The following TCF12 variants were observed in gnomAD, a reference collection of about 807,000 sequenced individuals.
TCF12 encodes DNA-binding protein HTF4.
In TCF12, 45 loss-of-function variants were observed where a neutral mutation model predicts 86.0. The ratio of observed to expected loss-of-function variants is 0.52; its 90% confidence interval spans 0.41 to 0.67. The LOEUF is 0.67. TCF12 is among the 30% of genes least tolerant of loss of function. The pLI is 0.00. For synonymous variants in TCF12, 330 were observed against 299.6 expected, an observed-to-expected ratio of 1.10 and a Z score of -1.05; for missense variants, 881 against 859.9, an observed-to-expected ratio of 1.02 and a Z score of -0.31.
chr15:57,286,592 C>T lies in TCF12; in HGVS notation c.*447C>T, dbSNP rs995352976. On this transcript the variant is annotated 3_prime_UTR_variant, in exon 21 of 21. Coordinates refer to ENST00000333725, the MANE Select transcript of TCF12 (RefSeq NM_207037.2). ...AAGCTGATCTACACTCAGCTGATGC[C>T]AGCATACATTAAAGCGGTTCACGTG... is the stretch of plus-strand genomic sequence containing the variant. 2.2e-6 allele frequency: 1 copy of T among 456,470 alleles called. No homozygotes were observed. The highest frequency in any genetic ancestry group is 4.4e-6 in the Non-Finnish European group (1 of 226,906). The allele number at this position is 456,470 out of a possible 1,614,324, so 28.3% of individuals were successfully genotyped here.
intron 12 of TCF12, among the ~76,000 whole-genome samples, chr15:57,242,596 G>A (rs1246099828): frequency 2.0e-5 from 3 of 152,074 alleles, no homozygotes; most frequent in African/African-American, 7.2e-5. Context: ...GAACCTGGCG[G>A]GGTGGAGGTT....
chr15:57,230,926 G>T (rs1313372379), intron 8 of TCF12, among the ~76,000 whole-genome samples: 1 of 150,026 alleles, frequency 6.7e-6, no homozygotes, highest in East Asian at 2.0e-4. Context: ...GAGATATTTA[G>T]AGTAGTAGTT....
chr15:57,159,726 A>G (rs974908702), intron 5 of TCF12, among the ~76,000 whole-genome samples: 7 of 113,430 alleles, frequency 6.2e-5, no homozygotes, highest in Non-Finnish European at 1.2e-4. Flanking sequence ...TACTTAAATT[A>G]TAACACATGG....
chr15:57,186,969 C>T (rs558591029), intron 6 of TCF12, among the ~76,000 whole-genome samples: 1 of 152,124 alleles, frequency 6.6e-6, no homozygotes, highest in East Asian at 1.9e-4. Flanking sequence ...TCACTTGAGG[C>T]CAGGAGTTCA....
chr15:56,997,455 T>A (rs2063774685), intron 3 of TCF12, among the ~76,000 whole-genome samples: 1 of 152,030 alleles, frequency 6.6e-6, no homozygotes. Context: ...CAGTAGACAC[T>A]GGGGAATACA....
intron 4 of TCF12, among the ~76,000 whole-genome samples, chr15:57,071,493 G>A (rs560237882): frequency 4.6e-5 from 7 of 152,156 alleles, no homozygotes; most frequent in Admixed American, 3.3e-4. Context: ...AAATTTAGCC[G>A]GGTGTGGTGG....
chr15:57,002,366 C>G (rs1596055945), intron 3 of TCF12, among the ~76,000 whole-genome samples: 1 of 152,200 alleles, frequency 6.6e-6, no homozygotes, highest in Admixed American at 6.5e-5. Flanking sequence ...CGTGTTTCCT[C>G]CCTAGGCGAG....
At chr15:57,108,368 CAATT>C (rs1342501652) in intron 5 of TCF12, among the ~76,000 whole-genome samples, 2 of 152,104 alleles carry the variant, frequency 1.3e-5, no homozygotes, top group African/African-American at 2.4e-5. Flanking sequence ...GACACAAAAA[CAATT>C]AATATCTGGG....
At chr15:57,045,401 A>T (rs118081803) in intron 3 of TCF12, among the ~76,000 whole-genome samples, 1,758 of 152,224 alleles carry the variant, frequency 0.012, 18 homozygotes, top group Non-Finnish European at 0.019. Flanking sequence ...GATAAACATG[A>T]GTATCTTTGT....
At chr15:57,060,411 A>G (rs1299148232) in intron 3 of TCF12, among the ~76,000 whole-genome samples, 1 of 152,244 alleles carries the variant, frequency 6.6e-6, no homozygotes, top group African/African-American at 2.4e-5. Flanking sequence ...GAGATTATCT[A>G]TATAAAAGGT....
At chr15:57,011,520 T>A in intron 3 of TCF12, among the ~76,000 whole-genome samples, 1 of 152,192 alleles carries the variant, frequency 6.6e-6, no homozygotes, top group Non-Finnish European at 1.5e-5. Flanking sequence ...GCCTCAGGTA[T>A]TTCTTTATAG....
intron 3 of TCF12, among the ~76,000 whole-genome samples, chr15:56,929,100 T>G (rs1218027890): frequency 6.6e-6 from 1 of 152,228 alleles, no homozygotes; most frequent in Non-Finnish European, 1.5e-5. Flanking sequence ...TGAGTAAAAC[T>G]GAAGTTCTAA....
intron 5 of TCF12, among the ~76,000 whole-genome samples, chr15:57,111,085 C>T (rs1047335336): frequency 6.6e-6 from 1 of 152,010 alleles, no homozygotes; most frequent in Admixed American, 6.6e-5. Context: ...TTTTAACGTC[C>T]TCTCTTTTTT....
chr15:57,145,244 TA>T (rs1254367854), intron 5 of TCF12, among the ~76,000 whole-genome samples: 1 of 152,164 alleles, frequency 6.6e-6, no homozygotes, highest in East Asian at 1.9e-4. Flanking sequence ...TTATTTACAT[TA>T]ATGAGTATTG....
intron 3 of TCF12, among the ~76,000 whole-genome samples, chr15:56,960,067 A>T (rs1301105826): frequency 6.6e-6 from 1 of 152,192 alleles, no homozygotes; most frequent in Non-Finnish European, 1.5e-5. Flanking sequence ...TTACAGATAA[A>T]ATCACTGTCT....
intron 3 of TCF12, among the ~76,000 whole-genome samples, chr15:57,036,389 C>T (rs2066508119): frequency 6.6e-6 from 1 of 152,086 alleles, no homozygotes; most frequent in Non-Finnish European, 1.5e-5. Context: ...GTAAAATTGC[C>T]AGGTCATGTA....
At chr15:57,125,034 C>T (rs890834051) in intron 5 of TCF12, among the ~76,000 whole-genome samples, 4 of 152,182 alleles carry the variant, frequency 2.6e-5, no homozygotes, top group Middle Eastern at 6.8e-3. Flanking sequence ...TTTCCGCGAC[C>T]GCCGTTATGT....
At chr15:57,007,916 C>G (rs937727673) in intron 3 of TCF12, among the ~76,000 whole-genome samples, 2 of 101,440 alleles carry the variant, frequency 2.0e-5, no homozygotes, top group South Asian at 6.5e-4. Context: ...CTTCCTTCCT[C>G]TTTCTTTGTT....
chr15:57,234,896 A>AATTCTGTGG (rs2059318874), intron 12 of TCF12, among the ~76,000 whole-genome samples: 1 of 152,170 alleles, frequency 6.6e-6, no homozygotes, highest in South Asian at 2.1e-4. Context: ...GAATTCCCAC[A>AATTCTGTGG]GAATTGTCTT....
Sources: allele counts gnomAD v4.1 joint callset (sites outside exome capture counted in the v4.1 genomes callset), GRCh38; gene constraint gnomAD v4.1.1; transcripts MANE v1.5; gene names NCBI Gene and HGNC (gene_info 2026-07-23, HGNC 2026-07-21).